SH3RF3: variants seen among roughly 807,000 people sequenced by gnomAD.
SH3RF3 encodes the protein E3 ubiquitin-protein ligase SH3RF3.
A neutral mutation model predicts 66.3 loss-of-function variants in SH3RF3; 29 were observed. That is an observed-to-expected ratio of 0.44 (90% CI 0.33 to 0.60). SH3RF3 has a LOEUF of 0.60. SH3RF3 is among the 20% of genes least tolerant of loss of function. The pLI is 0.04. For synonymous variants in SH3RF3, 583 were observed against 532.0 expected, an observed-to-expected ratio of 1.10 and a Z score of -1.32; for missense variants, 1,194 against 1,190.9, an observed-to-expected ratio of 1.00 and a Z score of -0.04.
intron 2 of SH3RF3, among the ~76,000 whole-genome samples, chr2:109,349,337 GGT>G (rs1418056411): frequency 6.6e-6 from 1 of 152,158 alleles, no homozygotes; most frequent in African/African-American, 2.4e-5. Flanking sequence ...CTTTTATCAA[GGT>G]GTTCTGATGC....
chr2:109,216,607 G>A (rs1679105417), intron 1 of SH3RF3, among the ~76,000 whole-genome samples: 1 of 152,206 alleles, frequency 6.6e-6, no homozygotes, highest in South Asian at 2.1e-4. Flanking sequence ...AAGGTGAGAT[G>A]GCCAGCCATG....
intron 1 of SH3RF3, among the ~76,000 whole-genome samples, chr2:109,194,967 A>G (rs1028499218): frequency 1.3e-5 from 2 of 152,122 alleles, no homozygotes; most frequent in Non-Finnish European, 1.5e-5. Flanking sequence ...GGGAACCCCA[A>G]CTCCAGGATC....
At chr2:109,304,566 C>G (rs1681548822) in intron 1 of SH3RF3, among the ~76,000 whole-genome samples, 1 of 152,210 alleles carries the variant, frequency 6.6e-6, no homozygotes, top group South Asian at 2.1e-4. Flanking sequence ...GTTAACTCCG[C>G]TGCACCCGTC....
chr2:109,497,043 AG>A (rs1398316455), intron 9 of SH3RF3, among the ~76,000 whole-genome samples: 1 of 152,244 alleles, frequency 6.6e-6, no homozygotes, highest in Admixed American at 6.5e-5. Context: ...AGCCTGCAGG[AG>A]GAACCAGCCT....
At chr2:109,203,366 T>C (rs550885882) in intron 1 of SH3RF3, among the ~76,000 whole-genome samples, 2 of 152,316 alleles carry the variant, frequency 1.3e-5, no homozygotes, top group Admixed American at 1.3e-4. Context: ...GCTGCCCTGT[T>C]GTGAGACGGA....
At chr2:109,270,026 A>G (rs1416387112) in intron 1 of SH3RF3, among the ~76,000 whole-genome samples, 1 of 152,208 alleles carries the variant, frequency 6.6e-6, no homozygotes, top group African/African-American at 2.4e-5. Context: ...ATAGATTGCG[A>G]TTGAAGCCAC....
At chr2:109,486,120 C>T (rs1678970450) in intron 8 of SH3RF3, among the ~76,000 whole-genome samples, 1 of 152,222 alleles carries the variant, frequency 6.6e-6, no homozygotes, top group Non-Finnish European at 1.5e-5. Context: ...TCTTCACCTT[C>T]CCAAGGAGCT....
At chr2:109,150,848 C>A (rs1323083851) in intron 1 of SH3RF3, among the ~76,000 whole-genome samples, 1 of 152,032 alleles carries the variant, frequency 6.6e-6, no homozygotes, top group Non-Finnish European at 1.5e-5. Flanking sequence ...TGTGCTTTTA[C>A]CATACTATAA....
At chr2:109,229,864 G>T (rs568782251) in intron 1 of SH3RF3, among the ~76,000 whole-genome samples, 4 of 137,378 alleles carry the variant, frequency 2.9e-5, no homozygotes, top group South Asian at 2.3e-4. Flanking sequence ...TCGCTCTGTT[G>T]CCCAGGCTGG....
At chr2:109,225,310 C>T (rs1307579485) in intron 1 of SH3RF3, among the ~76,000 whole-genome samples, 1 of 152,224 alleles carries the variant, frequency 6.6e-6, no homozygotes, top group Non-Finnish European at 1.5e-5. Flanking sequence ...CCATTGTACT[C>T]AGCTGGGTGG....
At chr2:109,423,881 C>T (rs1243042299) in intron 5 of SH3RF3, among the ~76,000 whole-genome samples, 1 of 152,174 alleles carries the variant, frequency 6.6e-6, no homozygotes, top group South Asian at 2.1e-4. Flanking sequence ...AGAGAGGGCA[C>T]AGCTGGGACC....
At chr2:109,284,159 G>T (rs1680963804) in intron 1 of SH3RF3, among the ~76,000 whole-genome samples, 1 of 152,178 alleles carries the variant, frequency 6.6e-6, no homozygotes, top group Admixed American at 6.5e-5. Flanking sequence ...CTTACAGAGG[G>T]GCGGTCCCAG....
chr2:109,432,468 C>G (rs765479396), intron 5 of SH3RF3, 33 bp from the exon 6 acceptor site: 1 of 1,610,392 alleles, frequency 6.2e-7, no homozygotes, highest in Non-Finnish European at 8.5e-7. Flanking sequence ...CAGGAGGGCT[C>G]CCACTGACAC....
At chr2:109,500,072 G>A (rs1406065960) in intron 9 of SH3RF3, among the ~76,000 whole-genome samples, 1 of 152,164 alleles carries the variant, frequency 6.6e-6, no homozygotes, top group Non-Finnish European at 1.5e-5. Flanking sequence ...AGGAGACAGT[G>A]TGTGGCTGTC....
intron 1 of SH3RF3, among the ~76,000 whole-genome samples, chr2:109,133,305 A>G (rs560058693): frequency 3.9e-5 from 6 of 152,360 alleles, no homozygotes; most frequent in Admixed American, 3.9e-4. Flanking sequence ...ACAGTGGTAT[A>G]TGTTCACATT....
intron 3 of SH3RF3, among the ~76,000 whole-genome samples, chr2:109,396,741 G>T (rs536832397): frequency 6.6e-6 from 1 of 152,104 alleles, no homozygotes; most frequent in East Asian, 1.9e-4. Flanking sequence ...TGGCACCTGC[G>T]GGCCTCACAT....
intron 1 of SH3RF3, among the ~76,000 whole-genome samples, chr2:109,192,906 T>TA: frequency 6.6e-6 from 1 of 152,360 alleles, no homozygotes; most frequent in Non-Finnish European, 1.5e-5. Context: ...ATTCCAGTGA[T>TA]ATGCCAGTTA....
At chr2:109,392,332 G>T (rs1676020977) in intron 3 of SH3RF3, among the ~76,000 whole-genome samples, 1 of 152,190 alleles carries the variant, frequency 6.6e-6, no homozygotes, top group African/African-American at 2.4e-5. Flanking sequence ...AGTAGCAATG[G>T]TGCTGCTTGT....
intron 1 of SH3RF3, among the ~76,000 whole-genome samples, chr2:109,347,160 T>C (rs932296949): frequency 2.0e-4 from 30 of 152,216 alleles, no homozygotes; most frequent in African/African-American, 7.0e-4. Context: ...GAAAAAATGG[T>C]TGGATACTTG....
Sources: allele counts gnomAD v4.1 joint callset (sites outside exome capture counted in the v4.1 genomes callset), GRCh38; gene constraint gnomAD v4.1.1; transcripts MANE v1.5; gene names NCBI Gene and HGNC (gene_info 2026-07-23, HGNC 2026-07-21).